Variants in CYP2J2 observed in about 807,000 individuals in gnomAD.
The protein encoded by CYP2J2 is cytochrome P450 2J2.
Under a neutral mutation model 48.8 loss-of-function variants are expected in CYP2J2, and 41 were observed. The ratio of observed to expected loss-of-function variants is 0.84; its 90% CI spans 0.66 to 1.09. CYP2J2 has a LOEUF of 1.09. Among genes scored for constraint, CYP2J2 ranks in the 50% least tolerant of loss-of-function variants. The pLI is 0.00. For synonymous variants in CYP2J2, 221 were observed against 227.1 expected (o/e 0.97, Z 0.24); for missense variants, 644 against 617.3 (o/e 1.04, Z -0.46).
the CYP2J2 span, among the ~76,000 whole-genome samples, chr1:59,966,984 A>T: frequency 6.6e-6 from 1 of 151,350 alleles, no homozygotes; most frequent in Non-Finnish European, 1.5e-5. Flanking sequence ...TTCAGGCAAA[A>T]CTACTCCTCA....
At chr1:59,946,359 C>G in the CYP2J2 span, among the ~76,000 whole-genome samples, 2 of 152,220 alleles carry the variant, frequency 1.3e-5, no homozygotes, top group Non-Finnish European at 2.9e-5. Flanking sequence ...CTGGTCTTTG[C>G]TCAGAAATTA....
At chr1:59,956,034 G>A in the CYP2J2 span, among the ~76,000 whole-genome samples, 1 of 152,158 alleles carries the variant, frequency 6.6e-6, no homozygotes, top group South Asian at 2.1e-4. Context: ...TATATACAGA[G>A]ATGTATACAT....
At position 59,926,653 on chromosome 1, in the gene CYP2J2, C is replaced by A; in HGVS notation, c.94G>T (p.Ala32Ser). ...GGGCGCCGTCTTTTGAGAAAGTCAGCAGCGAGCAGAAAGGCGACAGTGCCC... is the reference window on the plus strand; with the variant it reads ...GGGCGCCGTCTTTTGAGAAAGTCAGAAGCGAGCAGAAAGGCGACAGTGCCC... ...LLGTVAFLLA[A>S]DFLKRRRPKN... The change falls in exon 1 of 9, where the codon GCT becomes TCT. Residue 32 changes from alanine (A) to serine (S), a missense_variant. Transcript: ENST00000371204. 6.2e-7 allele frequency: 1 copy of A among 1,614,226 alleles called. No homozygotes were observed. Among genetic ancestry groups the A allele is most frequent in the Non-Finnish European group, 8.5e-7 (1 of 1,180,040 alleles).
chr1:59,920,633 T>C (rs981427265), intron 1 of CYP2J2, among the ~76,000 whole-genome samples: 11 of 152,138 alleles, frequency 7.2e-5, no homozygotes, highest in African/African-American at 2.7e-4. Context: ...AGTCTTAATA[T>C]CAGGTATAAT....
At chr1:59,916,483 C>A (rs1644466983) in intron 1 of CYP2J2, among the ~76,000 whole-genome samples, 1 of 152,174 alleles carries the variant, frequency 6.6e-6, no homozygotes, top group African/African-American at 2.4e-5. Context: ...CCTGTAATCC[C>A]AACACGTTGG....
intron 4 of CYP2J2, 85 bp downstream of exon 4, chr1:59,911,522 CA>C (rs879178452): frequency 7.5e-5 from 76 of 1,014,180 alleles, no homozygotes; most frequent in South Asian, 1.8e-4. Context: ...TTCAAAAACC[CA>C]AAAAAAACTA....
the CYP2J2 span, among the ~76,000 whole-genome samples, chr1:59,956,331 G>C: frequency 6.6e-6 from 1 of 152,174 alleles, no homozygotes; most frequent in East Asian, 1.9e-4. Flanking sequence ...TCATAAGGAA[G>C]TGTGTGTTGG....
At chr1:59,908,259 C>T (rs1406157125) in intron 5 of CYP2J2, among the ~76,000 whole-genome samples, 1 of 152,174 alleles carries the variant, frequency 6.6e-6, no homozygotes, top group Non-Finnish European at 1.5e-5. Context: ...CTTCAATTAG[C>T]AGCTGTGTGA....
At chr1:59,950,057 A>C in the CYP2J2 span, among the ~76,000 whole-genome samples, 1 of 152,166 alleles carries the variant, frequency 6.6e-6, no homozygotes. Flanking sequence ...AGACTCTCTA[A>C]CAACTAATGA....
the CYP2J2 span, among the ~76,000 whole-genome samples, chr1:59,953,096 G>A: frequency 1.3e-5 from 2 of 152,196 alleles, no homozygotes; most frequent in Non-Finnish European, 2.9e-5. Flanking sequence ...GCTCTTCCAA[G>A]TGTGGGGATA....
At chr1:59,950,727 C>G in the CYP2J2 span, among the ~76,000 whole-genome samples, 1 of 152,204 alleles carries the variant, frequency 6.6e-6, no homozygotes, top group South Asian at 2.1e-4. Context: ...CCTGTGTGCA[C>G]TGCCTGCTGT....
chr1:59,922,396 T>C (rs1422980546), intron 1 of CYP2J2, among the ~76,000 whole-genome samples: 1 of 152,220 alleles, frequency 6.6e-6, no homozygotes, highest in Non-Finnish European at 1.5e-5. Flanking sequence ...AGTTAGTACT[T>C]AATGTTTCCC....
chr1:59,944,652 A>G, the CYP2J2 span, among the ~76,000 whole-genome samples: 1 of 152,336 alleles, frequency 6.6e-6, no homozygotes, highest in Admixed American at 6.5e-5. Flanking sequence ...TCCTACGTAC[A>G]AGAATATCTG....
intron 7 of CYP2J2, among the ~76,000 whole-genome samples, chr1:59,903,683 A>T (rs1357376213): frequency 1.3e-5 from 2 of 152,248 alleles, no homozygotes; most frequent in Non-Finnish European, 2.9e-5. Context: ...AGTTGAAAGA[A>T]AAAGAAAGAG....
At chr1:59,909,667 A>C (rs1432732020) in intron 5 of CYP2J2, 117 bp downstream of exon 5, 1 of 668,588 alleles carries the variant, frequency 1.5e-6, no homozygotes, top group Non-Finnish European at 2.5e-6. Context: ...TGAGAGAATC[A>C]ATCTGTGCTA....
chr1:59,924,630 A>G (rs1644548373), intron 1 of CYP2J2, among the ~76,000 whole-genome samples: 1 of 152,132 alleles, frequency 6.6e-6, no homozygotes, highest in Non-Finnish European at 1.5e-5. Flanking sequence ...TAATCCTTAG[A>G]GCAATCACTT....
At chr1:59,897,816 T>C (rs1644282632) in intron 8 of CYP2J2, among the ~76,000 whole-genome samples, 2 of 152,218 alleles carry the variant, frequency 1.3e-5, no homozygotes, top group Admixed American at 1.3e-4. Flanking sequence ...TTAGAAGCTG[T>C]TACATCTTCT....
intron 8 of CYP2J2, among the ~76,000 whole-genome samples, chr1:59,896,550 C>T (rs1644271309): frequency 6.6e-6 from 1 of 151,960 alleles, no homozygotes; most frequent in African/African-American, 2.4e-5. Context: ...TAACTTACCT[C>T]TCATCACTGC....
At chr1:59,952,685 A>G in the CYP2J2 span, among the ~76,000 whole-genome samples, 1 of 152,186 alleles carries the variant, frequency 6.6e-6, no homozygotes, top group Non-Finnish European at 1.5e-5. Context: ...TCAGAAATAC[A>G]AGTACTCCAT....
Sources: gnomAD v4.1 joint callset for allele counts (sites outside exome capture counted in the v4.1 genomes callset) on GRCh38, gnomAD v4.1.1 for gene constraint, MANE v1.5 for transcripts, NCBI Gene and HGNC (gene_info 2026-07-23, HGNC 2026-07-21) for gene names.